Variants in PLXNA4 observed in about 807,000 individuals in gnomAD.
PLXNA4 encodes plexin A4, also known as plexin-A4.
PLXNA4 carries 44 observed loss-of-function variants against 191.8 expected under a neutral mutation model. The ratio of observed to expected loss-of-function variants is 0.23; its 90% confidence interval spans 0.18 to 0.29. The LOEUF (loss-of-function observed/expected upper bound fraction) is 0.29. Ranked by LOEUF, PLXNA4 falls within the 10% of genes least tolerant of loss-of-function variation. The pLI is 1.00. For missense variants in PLXNA4, 1,800 were observed against 2,488.8 expected (o/e 0.72, Z 5.89); for synonymous variants, 1,082 against 1,009.5 (o/e 1.07, Z -1.36).
intron 1 of PLXNA4, among the ~76,000 whole-genome samples, chr7:132,559,057 A>C (rs1464856411): frequency 6.6e-6 from 1 of 152,158 alleles, no homozygotes; most frequent in African/African-American, 2.4e-5. Context: ...CACTGTGGTT[A>C]GGTTACTTTC....
chr7:132,478,177 C>T (rs560245153), intron 3 of PLXNA4, among the ~76,000 whole-genome samples: 1 of 152,272 alleles, frequency 6.6e-6, no homozygotes, highest in African/African-American at 2.4e-5. Context: ...CCAACACTGC[C>T]TAACTAAACC....
intron 30 of PLXNA4, among the ~76,000 whole-genome samples, chr7:132,138,343 C>T (rs1013933503): frequency 5.3e-4 from 80 of 152,172 alleles, no homozygotes; most frequent in Non-Finnish European, 2.1e-4. Context: ...TACCATCATC[C>T]TCAACTGCAG....
chr7:132,165,096 C>G, intron 23 of PLXNA4, 38 bp downstream of exon 23: 6 of 1,601,110 alleles, frequency 3.7e-6, no homozygotes, highest in Non-Finnish European at 5.1e-6. Context: ...AGAGAATGAA[C>G]GAGGCAAGGC....
chr7:132,277,811 T>C (rs868474989), intron 4 of PLXNA4, among the ~76,000 whole-genome samples: 14 of 152,206 alleles, frequency 9.2e-5, no homozygotes, highest in Admixed American at 3.9e-4. Flanking sequence ...ATATATATTT[T>C]AGACTTTGCA....
intron 2 of PLXNA4, among the ~76,000 whole-genome samples, chr7:132,634,911 C>A (rs755001906): frequency 4.6e-5 from 7 of 152,078 alleles, no homozygotes; most frequent in Non-Finnish European, 8.8e-5. Flanking sequence ...GCAGGCCCAC[C>A]CTTAATCTGG....
chr7:132,586,952 T>A (rs577512024), intron 2 of PLXNA4, among the ~76,000 whole-genome samples: 1 of 152,152 alleles, frequency 6.6e-6, no homozygotes, highest in Non-Finnish European at 1.5e-5. Flanking sequence ...AAGTATGAGC[T>A]GAAGTTGACA....
At chr7:132,522,326 C>T (rs1021464090) in intron 1 of PLXNA4, among the ~76,000 whole-genome samples, 1 of 152,210 alleles carries the variant, frequency 6.6e-6, no homozygotes, top group African/African-American at 2.4e-5. Context: ...CTCATGGCTC[C>T]AAACATATAT....
Position 132,226,595 on chromosome 7 carries a change from C to T in PLXNA4, c.1883-335G>A, listed in dbSNP as rs373852393. Among the ~76,000 whole-genome samples, 101 of 151,768 alleles carry T rather than the reference C, an allele frequency of 6.7e-4. 1 individual carries two copies. The South Asian group carries it at 0.02, about 30-fold the overall frequency. On this transcript the variant is annotated intron_variant, in intron 7 of 31. Coordinates refer to ENST00000321063, the MANE Select transcript of PLXNA4 (RefSeq NM_020911.2). The stretch of plus-strand genomic sequence containing the variant: ...TAACCAGGAGAAACACATATGTAGA[C>T]TTCTAGGAATCTAGGAATGCTGCCA...
At chr7:132,173,116 C>T (rs192394867) in intron 21 of PLXNA4, among the ~76,000 whole-genome samples, 21 of 152,288 alleles carry the variant, frequency 1.4e-4, no homozygotes, top group African/African-American at 4.1e-4. Flanking sequence ...TACACACACA[C>T]GTGCACACAA....
intron 1 of PLXNA4, among the ~76,000 whole-genome samples, chr7:132,563,154 C>T (rs1585349097): frequency 1.2e-5 from 1 of 86,220 alleles, no homozygotes; most frequent in African/African-American, 4.1e-5. Context: ...CTTCCTCCTT[C>T]TCCTCCTCCT....
intron 1 of PLXNA4, among the ~76,000 whole-genome samples, chr7:132,539,572 C>T (rs1484452669): frequency 6.6e-6 from 1 of 152,182 alleles, no homozygotes; most frequent in African/African-American, 2.4e-5. Flanking sequence ...TGTTATAGTC[C>T]GGCTAGCTGC....
At chr7:132,425,699 GAGA>G (rs1290518733) in intron 3 of PLXNA4, among the ~76,000 whole-genome samples, 1 of 148,494 alleles carries the variant, frequency 6.7e-6, no homozygotes, top group East Asian at 1.9e-4. Context: ...AAAGAGAGAG[GAGA>G]AGGACAGGGG....
chr7:132,437,332 T>TA (rs1224414267), intron 3 of PLXNA4, among the ~76,000 whole-genome samples: 2 of 152,114 alleles, frequency 1.3e-5, no homozygotes, highest in Non-Finnish European at 2.9e-5. Flanking sequence ...TGCAACCCCT[T>TA]AAAGTATCCG....
rs115855700 is a variant in PLXNA4, at chr7:132,226,295, C to T, written c.1883-35G>A. On this transcript the variant is annotated intron_variant, in intron 7 of 31. Coordinates refer to ENST00000321063, the MANE Select transcript of PLXNA4 (RefSeq NM_020911.2). ...GAGATGGCTGAGGGGTCAGGGAATG[C>T]TGAGGCCCCAAGCCAGGGATTCCCT... 3,414 of 1,562,092 alleles carry T rather than the reference C, an allele frequency of 2.2e-3. 60 individuals are homozygous for T. In the African/African-American group the frequency reaches 0.042, roughly 19 times the overall value.
At chr7:132,524,042 G>A (rs1799300651) in intron 1 of PLXNA4, among the ~76,000 whole-genome samples, 1 of 152,146 alleles carries the variant, frequency 6.6e-6, no homozygotes, top group Non-Finnish European at 1.5e-5. Context: ...AATGCTCCTA[G>A]GAGGATGCTA....
chr7:132,272,615 A>G (rs1000447758), intron 4 of PLXNA4, among the ~76,000 whole-genome samples: 2 of 152,218 alleles, frequency 1.3e-5, no homozygotes, highest in Non-Finnish European at 2.9e-5. Flanking sequence ...TTCTTTTAGT[A>G]TGATACTAGG....
intron 10 of PLXNA4, among the ~76,000 whole-genome samples, chr7:132,203,789 C>G (rs1242120739): frequency 7.9e-5 from 12 of 152,166 alleles, no homozygotes; most frequent in African/African-American, 2.9e-4. Context: ...AGGGAGGAGT[C>G]CACTTCCTCT....
chr7:132,620,489 G>T (rs1249723104), intron 2 of PLXNA4, among the ~76,000 whole-genome samples: 2 of 151,602 alleles, frequency 1.3e-5, no homozygotes, highest in African/African-American at 2.4e-5. Context: ...GATGCTTTAG[G>T]GTTATTAAAA....
At chr7:132,165,049 G>C (rs1020735174) in intron 23 of PLXNA4, 85 bp downstream of exon 23, 98 of 1,528,564 alleles carry the variant, frequency 6.4e-5, no homozygotes, top group Non-Finnish European at 8.4e-5. Context: ...CAGTAAGGGA[G>C]GACTCGGGGG....
Sources: gnomAD v4.1 joint callset for allele counts (sites outside exome capture counted in the v4.1 genomes callset) on GRCh38, gnomAD v4.1.1 for gene constraint, MANE v1.5 for transcripts, NCBI Gene and HGNC (gene_info 2026-07-23, HGNC 2026-07-21) for gene names.